TTN: variants seen among roughly 807,000 people sequenced by gnomAD.
The protein encoded by TTN is titin, also known as connectin.
Under a neutral mutation model 3,223.0 loss-of-function variants are expected in TTN, and 1,525 were observed. The ratio of observed to expected loss-of-function variants is 0.47; its 90% CI spans 0.45 to 0.49. TTN has a LOEUF of 0.49. Among genes scored for constraint, TTN ranks in the 20% least tolerant of loss-of-function variants. The pLI is 0.00. For missense variants in TTN, 40,786 were observed against 43,424.0 expected (o/e 0.94, Z 5.40); for synonymous variants, 14,094 against 15,161.0 (o/e 0.93, Z 5.17).
intron 33 of TTN, 121 bp from the exon 34 acceptor site, chr2:178,771,592 C>T: frequency 7.1e-7 from 1 of 1,410,734 alleles, no homozygotes; most frequent in Non-Finnish European, 9.8e-7. Flanking sequence ...CATGAAATGT[C>T]TATGATTGTT....
At chr2:178,680,127 G>C in intron 139 of TTN, 72 bp from the exon 140 acceptor site, 2 of 1,587,394 alleles carry the variant, frequency 1.3e-6, no homozygotes, top group Non-Finnish European at 1.7e-6. Flanking sequence ...TAGAAACACA[G>C]GCCCATTTAT....
chr2:178,756,720 AAG>A lies in TTN; in HGVS notation c.10754_10755del (p.Ser3585PhefsTer14). The A allele has an allele frequency of 1.2e-6, 2 of 1,613,818 alleles. No individual in the cohort carries two copies. Among genetic ancestry groups the A allele is most frequent in the African/African-American group, 1.3e-5 (1 of 75,044 alleles). Reference sequence around the variant, plus strand: ...GATATTTTGCTCTCCTCCTTTGTGAAAGAGGAATCTGCCACTGCCTGGGACTT... The same window carrying A: ...GATATTTTGCTCTCCTCCTTTGTGAAAGGAATCTGCCACTGCCTGGGACTT... The part of the protein sequence containing the change: ...STKSQAVADS[S>X]FTKEESKISQ... On this transcript the variant is annotated frameshift_variant, in exon 46 of 363. Transcript: ENST00000589042. LOFTEE classifies it high-confidence loss of function.
chr2:178,741,182 C>G lies in TTN; in HGVS notation c.12051G>C (p.Leu4017Phe). ...GLYICKAENM[L>F]GESTCAAELL... ...GCTCTGCTGCACAGGTGGACTCACC[C>G]AACATATTCTCTGCTTTACAGATAT... Residue 4017 changes from leucine to phenylalanine, a missense_variant, in exon 48 of 363, where the codon TTG becomes TTC. By Grantham distance (22) the Leu-to-Phe change is conservative (BLOSUM62 0). Transcript: ENST00000589042. 1.9e-6 allele frequency: 3 copies of G among 1,613,338 alleles called. No homozygotes were observed. The highest frequency in any genetic ancestry group is 2.5e-6 in the Non-Finnish European group (3 of 1,179,824).
intron 159 of TTN, among the ~76,000 whole-genome samples, chr2:178,668,086 A>G (rs1275885985): frequency 6.6e-6 from 1 of 152,174 alleles, no homozygotes; most frequent in African/African-American, 2.4e-5. Context: ...ATTCTCCGAT[A>G]TTTGACCTAC....
rs786205382 is a variant in TTN at position 178,578,965 on chromosome 2, T to C, written c.68065A>G (p.Asn22689Asp). Reference protein sequence around the residue: ...YILEKRDSVNNKWVTCASAVQ... With the variant: ...YILEKRDSVNDKWVTCASAVQ... ...GCTGAGGCGCACGTCACCCACTTGT[T>C]GTTCACAGAATCCCTCTTCTCTAGG... The change falls in exon 320 of 363, where the codon AAC becomes GAC. Residue 22689 changes from asparagine to aspartate, a missense_variant. By Grantham distance (23) the Asn-to-Asp change is conservative (BLOSUM62 1). Transcript: ENST00000589042. 2 of 1,613,246 alleles carry C rather than the reference T, an allele frequency of 1.2e-6. No homozygotes were observed. Among genetic ancestry groups the C allele is most frequent in the Non-Finnish European group, 1.7e-6 (2 of 1,179,486 alleles).
In TTN at chr2:178,688,773, CT is replaced by C; in HGVS notation, c.32100del (p.Val10701SerfsTer7). On this transcript the variant is annotated frameshift_variant, in exon 126 of 363. Transcript: ENST00000589042. LOFTEE classifies it high-confidence loss of function. ...TCTTCTACAACAGTTTTCTTAGAGA[CT>C]TCAGCTTTAAGAAAGTGTTAAAGTT... Reference protein sequence around the residue: ...VAKKAPPPRAEVSKKTVVEEK... With the variant: ...VAKKAPPPRAXVSKKTVVEEK... 6.2e-7 allele frequency: 1 copy of C among 1,603,590 alleles called. No individual in the cohort carries two copies. The highest frequency in any genetic ancestry group is 1.1e-5 in the South Asian group (1 of 90,506).
chr2:178,632,522 T>C lies in TTN; in HGVS notation c.43480+4A>G. ...GGGGTGGACTATTTGATAAAACTAT[T>C]TACCTTCAATGATCAGTTTGCCACT... On this transcript the variant is annotated splice_donor_region_variant and intron_variant, in intron 235 of 362. Coordinates refer to ENST00000589042, the MANE Select transcript of TTN (RefSeq NM_001267550.2). 1 of 1,611,696 alleles carries C rather than the reference T, an allele frequency of 6.2e-7. No individual in the cohort carries two copies. Among genetic ancestry groups the C allele is most frequent in the Non-Finnish European group, 8.5e-7 (1 of 1,179,218 alleles).
rs1336824666 is a variant in TTN, at chr2:178,678,782, G to A, written c.33791C>T (p.Pro11264Leu). 9 of 1,604,932 alleles carry A rather than the reference G, an allele frequency of 5.6e-6. No individual in the cohort carries two copies. Among genetic ancestry groups the A allele is most frequent in the Non-Finnish European group, 7.6e-6 (9 of 1,176,986 alleles). Residue 11264 changes from proline to leucine, a missense_variant, in exon 143 of 363, where the codon CCA becomes CTA. Physicochemically the swap from Pro to Leu is moderately conservative, Grantham distance 98. Coordinates refer to ENST00000589042, the MANE Select transcript of TTN (RefSeq NM_001267550.2). ...KPVPEEKVPV[P>L]VPKKVEAPPA... ...TGGAGCTTCCACCTTTTTAGGAACT[G>A]GTACTGGTACTTTCTCCTCTGGCAC...
At chr2:178,745,191 T>A in intron 47 of TTN, 1 of 1,003,820 alleles carries the variant, frequency 1.0e-6, no homozygotes, top group Non-Finnish European at 1.2e-6. Flanking sequence ...TTTGTCTGCG[T>A]GGTCATCTGA....
intron 152 of TTN, among the ~76,000 whole-genome samples, chr2:178,673,263 C>T (rs2067328155): frequency 6.6e-6 from 1 of 151,594 alleles, no homozygotes; most frequent in African/African-American, 2.4e-5. Context: ...AGGTTTGTTC[C>T]ATAAAATAAT....
At chr2:178,588,441 G>A (rs919245807) in intron 304 of TTN, 97 bp downstream of exon 304, 3 of 1,356,592 alleles carry the variant, frequency 2.2e-6, no homozygotes, top group East Asian at 2.4e-5. Context: ...CAGTTTGGAT[G>A]TTACAGATTT....
At position 178,780,189 on chromosome 2, in the gene TTN, C is replaced by A; in HGVS notation, c.3540G>T (p.Leu1180=). The A allele has an allele frequency of 6.2e-7, 1 of 1,613,648 alleles. No homozygotes were observed. Among genetic ancestry groups the A allele is most frequent in the Non-Finnish European group, 8.5e-7 (1 of 1,179,710 alleles). ...AAAGCATTTCTTGCTGGGACTTCAT[C>A]AGTAACTCATAATCAGCTAAGAGTT... is the stretch of plus-strand genomic sequence containing the variant. ...SLLEEADYEL[L]MKSQQEMLYQ... is the part of the protein sequence containing the mutation. Residue 1180 remains leucine (L), a synonymous_variant, in exon 22 of 363, where the codon CTG becomes CTT. Coordinates refer to ENST00000589042, the MANE Select transcript of TTN (RefSeq NM_001267550.2).
intron 33 of TTN, 26 bp from the exon 34 acceptor site, chr2:178,771,497 G>C (rs1246108640): frequency 6.2e-7 from 1 of 1,613,616 alleles, no homozygotes; most frequent in African/African-American, 1.3e-5. Context: ...TGTACAGTAT[G>C]AGTCCTTTAA....
intron 23 of TTN, 33 bp from the exon 24 acceptor site, chr2:178,779,151 T>C (rs1561324278): frequency 6.2e-7 from 1 of 1,613,168 alleles, no homozygotes; most frequent in Non-Finnish European, 8.5e-7. Flanking sequence ...ATGAATAAAA[T>C]TTACATCAAA....
At position 178,601,312 on chromosome 2, in the gene TTN, C is replaced by T; in HGVS notation, c.55685G>A (p.Gly18562Asp). 2 of 1,603,650 alleles carry T rather than the reference C, an allele frequency of 1.2e-6. No homozygotes were observed. The highest frequency in any genetic ancestry group is 1.7e-6 in the Non-Finnish European group (2 of 1,173,652). The change falls in exon 287 of 363, where the codon GGC (glycine) becomes GAC (aspartate). Residue 18562 changes from glycine (G) to aspartate (D), a missense_variant. By Grantham distance (94) the Gly-to-Asp change is moderately conservative (BLOSUM62 -1). Coordinates refer to ENST00000589042, the MANE Select transcript of TTN (RefSeq NM_001267550.2). ...CCTCTGAATGGTTTCCACAGGTGGG[C>T]CAATACCAAAACGGTTTTCTGCTCG... ...RVRAENRFGI[G>D]PPVETIQRTT...
chr2:178,530,195 A>C (rs752344149), intron 358 of TTN, 46 bp downstream of exon 358: 4 of 1,561,630 alleles, frequency 2.6e-6, no homozygotes, highest in Non-Finnish European at 3.4e-6. Context: ...TTAGAAGATA[A>C]AATATTTTAG....
intron 240 of TTN, among the ~76,000 whole-genome samples, chr2:178,627,214 C>G (rs1244271493): frequency 6.6e-6 from 1 of 151,808 alleles, no homozygotes; most frequent in Non-Finnish European, 1.5e-5. Context: ...ACTTGGCAGT[C>G]CTTTCTTAAA....
At position 178,528,397 on chromosome 2, in the gene TTN, G is replaced by A. The variant is rs528535076; in HGVS notation, c.107254C>T (p.Arg35752Cys). 9.9e-5 allele frequency: 160 copies of A among 1,613,730 alleles called. 2 individuals are homozygous for A. In the South Asian group the frequency reaches 1.6e-3, roughly 16 times the overall value. Reference sequence around the variant, plus strand: ...TCAAGGGAGTATACATTTCTGGAGCGGCTTATGCTGACATTTGAAGAAATA... The same window carrying A: ...TCAAGGGAGTATACATTTCTGGAGCAGCTTATGCTGACATTTGAAGAAATA... ...ISISSNVSIS[R>C]SRNVYSLEIR... Residue 35752 changes from arginine (R) to cysteine (C), a missense_variant, in exon 361 of 363, where the codon CGC (arginine) becomes TGC (cysteine). Transcript: ENST00000589042.
Position 178,794,856 on chromosome 2 carries a change from T to C in TTN, c.1245+66A>G. 8 of 1,576,004 alleles carry C rather than the reference T, an allele frequency of 5.1e-6. No homozygotes were observed. In the South Asian group the frequency reaches 6.7e-5, roughly 13 times the overall value. ...TCCAATTTATACAGACTGAGTTTCA[T>C]GGCAGAAATCCAGTTGGAGAAACTA... On this transcript the variant is annotated intron_variant, in intron 7 of 362. Transcript: ENST00000589042.
Sources: allele counts gnomAD v4.1 joint callset (sites outside exome capture counted in the v4.1 genomes callset), GRCh38; gene constraint gnomAD v4.1.1; transcripts MANE v1.5; gene names NCBI Gene and HGNC (gene_info 2026-07-23, HGNC 2026-07-21).